Variants in RNASEH2B observed in about 807,000 individuals in gnomAD.
The protein encoded by RNASEH2B is Aicardi-Goutieres syndrome 2 protein.
A neutral mutation model predicts 45.0 loss-of-function variants in RNASEH2B; 36 were observed. That is an observed-to-expected ratio of 0.80 (90% CI 0.61 to 1.06). The LOEUF is 1.06. RNASEH2B is among the 50% of genes least tolerant of loss of function. The pLI is 0.00. For synonymous variants in RNASEH2B, 119 were observed against 125.7 expected, an observed-to-expected ratio of 0.95 and a Z score of 0.35; for missense variants, 361 against 360.3, an observed-to-expected ratio of 1.00 and a Z score of -0.02.
intron 7 of RNASEH2B, among the ~76,000 whole-genome samples, chr13:50,947,765 G>A (rs1475872119): frequency 6.6e-6 from 1 of 151,728 alleles, no homozygotes; most frequent in Non-Finnish European, 1.5e-5. Flanking sequence ...TTATATCTTT[G>A]GTATCATCAC....
At chr13:50,946,942 G>A (rs1319474501) in intron 7 of RNASEH2B, among the ~76,000 whole-genome samples, 1 of 152,150 alleles carries the variant, frequency 6.6e-6, no homozygotes, top group Non-Finnish European at 1.5e-5. Flanking sequence ...GCAATTTTAA[G>A]AAGGGTCAAA....
chr13:50,929,605 T>G, intron 3 of RNASEH2B, 23 bp downstream of exon 3: 1 of 1,398,988 alleles, frequency 7.1e-7, no homozygotes, highest in South Asian at 1.2e-5. Context: ...TGTAAGCATT[T>G]CCAATAACTA....
chr13:50,949,413 G>GT, intron 8 of RNASEH2B, 50 bp from the exon 9 acceptor site: 1 of 1,575,848 alleles, frequency 6.3e-7, no homozygotes, highest in Non-Finnish European at 8.7e-7. Flanking sequence ...CTTTCTGTTT[G>GT]TTTGTCTATG....
chr13:50,935,028 G>C, intron 5 of RNASEH2B, 29 bp downstream of exon 5: 1 of 1,434,234 alleles, frequency 7.0e-7, no homozygotes, highest in East Asian at 2.3e-5. Context: ...GCTTATGGCT[G>C]GTAGAAAGGA....
intron 9 of RNASEH2B, among the ~76,000 whole-genome samples, chr13:50,969,472 A>G (rs1566095643): frequency 6.8e-6 from 1 of 147,264 alleles, no homozygotes; most frequent in Non-Finnish European, 1.5e-5. Flanking sequence ...TTTTTTATAC[A>G]TTGGAGTCTA....
At chr13:50,949,288 C>A in intron 8 of RNASEH2B, 175 bp from the exon 9 acceptor site, 1 of 612,004 alleles carries the variant, frequency 1.6e-6, no homozygotes, top group Non-Finnish European at 2.9e-6. Context: ...AAAATAAAGA[C>A]TCATTTATTG....
chr13:50,954,000 G>T lies in RNASEH2B; in HGVS notation c.822+15G>T, dbSNP rs767399621. The T allele has an allele frequency of 1.3e-6, 2 of 1,515,298 alleles. No homozygotes were observed. The highest frequency in any genetic ancestry group is 9.2e-7 in the Non-Finnish European group (1 of 1,090,316). 93.9% of individuals were successfully genotyped at this position (1,515,298 alleles called of 1,614,324 possible). On this transcript the variant is annotated intron_variant, in intron 10 of 10. Coordinates refer to ENST00000336617, the MANE Select transcript of RNASEH2B (RefSeq NM_024570.4). Reference sequence around the variant, plus strand: ...AGACTGAAAAGGTATGTGGGTTCAGGTGTAGTGGTGTTTCGTTCATACTCA... The same window carrying T: ...AGACTGAAAAGGTATGTGGGTTCAGTTGTAGTGGTGTTTCGTTCATACTCA...
chr13:50,964,706 G>C (rs1035129731), intron 9 of RNASEH2B, among the ~76,000 whole-genome samples: 13 of 152,176 alleles, frequency 8.5e-5, no homozygotes, highest in African/African-American at 3.1e-4. Flanking sequence ...ATTGAGACTT[G>C]ATTGTTTTTT....
intron 1 of RNASEH2B, among the ~76,000 whole-genome samples, chr13:50,916,829 G>A (rs1462472803): frequency 1.3e-5 from 2 of 152,176 alleles, no homozygotes; most frequent in Admixed American, 1.3e-4. Context: ...GAACTTCTTT[G>A]GGAGTTCCTT....
intron 1 of RNASEH2B, among the ~76,000 whole-genome samples, chr13:50,924,705 C>T (rs1951569758): frequency 6.6e-6 from 1 of 152,068 alleles, no homozygotes; most frequent in Non-Finnish European, 1.5e-5. Flanking sequence ...ACTACGGGCA[C>T]ATGCCACCAC....
intron 9 of RNASEH2B, among the ~76,000 whole-genome samples, chr13:50,965,918 G>C: frequency 6.6e-6 from 1 of 152,122 alleles, no homozygotes; most frequent in East Asian, 1.9e-4. Context: ...TGTATTCACA[G>C]AGGCTTGAAT....
chr13:50,922,618 TAAAC>T (rs908301904), intron 1 of RNASEH2B, among the ~76,000 whole-genome samples: 6 of 152,326 alleles, frequency 3.9e-5, no homozygotes, highest in Admixed American at 2.0e-4. Flanking sequence ...GAAAAGTCAC[TAAAC>T]AAACAAACAG....
intron 4 of RNASEH2B, 56 bp from the exon 5 acceptor site, chr13:50,934,829 T>C (rs780675862): frequency 7.3e-6 from 9 of 1,236,558 alleles, no homozygotes; most frequent in Admixed American, 1.9e-5. Context: ...TTTCTCTTTT[T>C]TTCTGAATGT....
intron 9 of RNASEH2B, among the ~76,000 whole-genome samples, chr13:50,968,028 A>G (rs977925572): frequency 3.3e-5 from 5 of 152,184 alleles, no homozygotes; most frequent in Admixed American, 6.5e-5. Flanking sequence ...CCTGAGGTTT[A>G]TATATTCCTC....
chr13:50,961,088 A>G (rs778576756), downstream of RNASEH2B, among the ~76,000 whole-genome samples: 7 of 152,198 alleles, frequency 4.6e-5, no homozygotes, highest in South Asian at 2.1e-4. Context: ...TCAGTACACC[A>G]TGGCAGGAAT....
rs1003045167 is a variant in RNASEH2B, at chr13:50,970,176, G to A, written c.*212G>A. ...CCTCCCTGGAGCACTCAGCTAGGCG[G>A]TTCCGTCCAGGAGCTTGAAAGCATC... On this transcript the variant is annotated 3_prime_UTR_variant, in exon 10 of 10. Coordinates refer to the RNASEH2B transcript ENST00000422660. 5 of 623,474 alleles carry A rather than the reference G, an allele frequency of 8.0e-6. No individual in the cohort carries two copies. The African/African-American group carries it at 9.3e-5, about 12-fold the overall frequency. 38.6% of individuals were successfully genotyped at this position (623,474 alleles called of 1,614,324 possible).
chr13:50,944,059 T>TGGGAC (rs1215087955), intron 6 of RNASEH2B, among the ~76,000 whole-genome samples: 6 of 113,868 alleles, frequency 5.3e-5, no homozygotes, highest in African/African-American at 1.7e-4. Flanking sequence ...CGGGATGGGA[T>TGGGAC]GGGACGGGAT....
intron 9 of RNASEH2B, among the ~76,000 whole-genome samples, chr13:50,962,083 T>C (rs1952117647): frequency 1.3e-5 from 2 of 152,178 alleles, no homozygotes; most frequent in African/African-American, 4.8e-5. Context: ...TCTTTTTATA[T>C]GTAGTATGGG....
chr13:50,940,833 T>C (rs1951824735), intron 5 of RNASEH2B: 1 of 152,130 alleles, frequency 6.6e-6, no homozygotes, highest in Non-Finnish European at 1.5e-5. Context: ...TAGAAAGCAA[T>C]TTTATATATG....
Sources: gnomAD v4.1 joint callset for allele counts (sites outside exome capture counted in the v4.1 genomes callset) on GRCh38, gnomAD v4.1.1 for gene constraint, MANE v1.5 for transcripts, NCBI Gene and HGNC (gene_info 2026-07-23, HGNC 2026-07-21) for gene names.